Variants in BSN observed in about 807,000 individuals in gnomAD.
BSN encodes the protein bassoon presynaptic cytomatrix protein, also known as protein bassoon.
BSN carries 57 observed loss-of-function variants against 264.8 expected under a neutral mutation model. That is an observed-to-expected ratio of 0.22 (90% CI 0.17 to 0.27). The LOEUF (loss-of-function observed/expected upper bound fraction) is 0.27, where lower values mean the gene tolerates loss of function less well. BSN is among the 10% of genes least tolerant of loss of function. The probability of loss-of-function intolerance (pLI) is 1.00; values close to 1 mark genes in which losing one functional copy is unlikely to be tolerated. For missense variants in BSN, 4,615 were observed against 5,232.5 expected (o/e 0.88, Z 3.64); for synonymous variants, 2,059 against 2,137.3 (o/e 0.96, Z 1.01).
At chr3:49,620,100 T>C (rs188057173) in intron 1 of BSN, among the ~76,000 whole-genome samples, 18 of 151,482 alleles carry the variant, frequency 1.2e-4, no homozygotes, top group Non-Finnish European at 2.4e-4. Flanking sequence ...CAAGCACAGT[T>C]TTAAATAGAT....
intron 2 of BSN, among the ~76,000 whole-genome samples, chr3:49,631,876 A>G (rs540221951): frequency 6.6e-6 from 1 of 152,198 alleles, no homozygotes; most frequent in Non-Finnish European, 1.5e-5. Context: ...AGCCAAAATA[A>G]TTGTGAAAAA....
Position 49,625,093 on chromosome 3 carries a change from C to G in BSN, c.343C>G (p.Gln115Glu). Residue 115 changes from glutamine (Q) to glutamate (E), a missense_variant, in exon 2 of 12, where the codon CAG becomes GAG. Transcript: ENST00000296452. This position sits in a 1 kb window ranked among gnomAD's most constrained non-coding sequence, Gnocchi z 4.4. ...GHESPRETRA[Q>E]GPAGQEADGP... ...TGAGAGCCCCCGAGAGACAAGGGCA[C>G]AGGGACCAGCAGGCCAGGAGGCTGA... 2 of 1,605,960 alleles carry G rather than the reference C, an allele frequency of 1.2e-6. No homozygotes were observed. Among genetic ancestry groups the G allele is most frequent in the Non-Finnish European group, 1.7e-6 (2 of 1,176,444 alleles).
At chr3:49,614,991 T>A (rs1263866067) in intron 1 of BSN, among the ~76,000 whole-genome samples, 1 of 152,198 alleles carries the variant, frequency 6.6e-6, no homozygotes, top group Non-Finnish European at 1.5e-5. Context: ...TGCTGGCAGC[T>A]TCTTCTAGCC....
Position 49,663,095 on chromosome 3 carries a change from G to A in BSN, c.10937G>A (p.Arg3646Gln). The change falls in exon 7 of 12, where the codon CGG (arginine) becomes CAG (glutamine). Residue 3646 changes from arginine to glutamine, a missense_variant. Around this residue, in one of 3 missense-constraint regions of BSN, gnomAD observed 3,415 missense variants for 3,866.4 expected, o/e 0.88. Coordinates refer to ENST00000296452, the MANE Select transcript of BSN (RefSeq NM_003458.4). Reference protein sequence around the residue: ...PGRHASAKEHRHGDHGRHSGR... With the variant: ...PGRHASAKEHQHGDHGRHSGR... The stretch of plus-strand genomic sequence containing the variant: ...CGCCATGCCTCAGCCAAGGAACACC[G>A]GCACGGTGACCACGGGCGGCACTCA... 2 of 1,612,144 alleles carry A rather than the reference G, an allele frequency of 1.2e-6. No homozygotes were observed. Among genetic ancestry groups the A allele is most frequent in the East Asian group, 2.2e-5 (1 of 44,852 alleles).
At position 49,660,658 on chromosome 3, in the gene BSN, C is replaced by T. The variant is rs754394416; in HGVS notation, c.8813C>T (p.Ala2938Val). The T allele has an allele frequency of 5.0e-6, 8 of 1,613,220 alleles. No individual in the cohort carries two copies. The highest frequency in any genetic ancestry group is 6.8e-6 in the Non-Finnish European group (8 of 1,179,954). Residue 2938 changes from alanine (A) to valine (V), a missense_variant, in exon 6 of 12, where the codon GCC becomes GTC. Ala to Val is a moderately conservative substitution (Grantham distance 64). This residue lies in a region of BSN where 3,415 missense variants were observed against 3,866.4 expected (regional missense o/e 0.88). Transcript: ENST00000296452. This position sits in a 1 kb window ranked among gnomAD's most constrained non-coding sequence, Gnocchi z 7.1. ...CCCACCACTGTCCCTGCTACCAAGG[C>T]CAGCCTGCTCCGGGAGCTGGACCGG... ...TGPTTVPATKASLLRELDRDL... is the reference protein window; with the variant it reads ...TGPTTVPATKVSLLRELDRDL...
intron 6 of BSN, 22 bp from the exon 7 acceptor site, chr3:49,662,854 A>T: frequency 6.5e-7 from 1 of 1,536,812 alleles, no homozygotes. Flanking sequence ...GGTTGATGGT[A>T]TTCTGTTTTT....
At chr3:49,635,899 A>G (rs1285374503) in intron 2 of BSN, among the ~76,000 whole-genome samples, 1 of 151,310 alleles carries the variant, frequency 6.6e-6, no homozygotes, top group Admixed American at 6.6e-5. Context: ...GGATCACTTG[A>G]GTCTGGGAGG....
intron 1 of BSN, among the ~76,000 whole-genome samples, chr3:49,613,304 G>GAGAGAGAT (rs2052224353): frequency 4.0e-5 from 1 of 24,932 alleles, no homozygotes; most frequent in African/African-American, 1.3e-4. Flanking sequence ...CACACAGAGC[G>GAGAGAGAT]AGAGAGAGAG....
intron 1 of BSN, among the ~76,000 whole-genome samples, chr3:49,619,705 G>A (rs559638476): frequency 6.6e-6 from 1 of 152,328 alleles, no homozygotes; most frequent in Non-Finnish European, 1.5e-5. Context: ...GGCTGGGGGT[G>A]TAGCCAACTG....
rs373935874 is a variant in BSN, at chr3:49,660,929, C to T, written c.9084C>T (p.Pro3028=). ...TGCGGCTCCAGGGCTGCACCACTCC[C>T]GCTGGCCAGTTTGTGGACTTCCCTG... ...NQLRLQGCTT[P]AGQFVDFPAT... Residue 3028 remains proline (P), a synonymous_variant, in exon 6 of 12, where the codon CCC becomes CCT. Coordinates refer to ENST00000296452, the MANE Select transcript of BSN (RefSeq NM_003458.4). This position sits in a 1 kb window ranked among gnomAD's most constrained non-coding sequence, Gnocchi z 7.1. 2.2e-5 allele frequency: 36 copies of T among 1,612,078 alleles called. No individual in the cohort carries two copies. In the African/African-American group the frequency reaches 2.8e-4, roughly 13 times the overall value.
At chr3:49,646,222 A>G (rs2052503153) in intron 3 of BSN, among the ~76,000 whole-genome samples, 2 of 152,320 alleles carry the variant, frequency 1.3e-5, no homozygotes, top group South Asian at 2.1e-4. Flanking sequence ...GAGTCATTTC[A>G]TAATTAAGAG....
chr3:49,645,947 A>G (rs995077904), intron 3 of BSN, among the ~76,000 whole-genome samples: 1 of 152,174 alleles, frequency 6.6e-6, no homozygotes, highest in Non-Finnish European at 1.5e-5. Context: ...CAAAGAAGGG[A>G]CAGACCCGTG....
Position 49,657,693 on chromosome 3 carries a change from G to C in BSN, c.8137G>C (p.Gly2713Arg), listed in dbSNP as rs1559617663. The change falls in exon 5 of 12, where the codon GGG (glycine) becomes CGG (arginine). Residue 2713 changes from glycine (G) to arginine (R), a missense_variant. Gly to Arg is a moderately radical substitution (Grantham distance 125, BLOSUM62 -2). Transcript: ENST00000296452. ...YISAPEKTGRGESLACQTEPD... is the reference protein window; with the variant it reads ...YISAPEKTGRRESLACQTEPD... The stretch of plus-strand genomic sequence containing the variant: ...ATCGGCGCCAGAGAAGACTGGGCGT[G>C]GGGAGAGCCTGGCCTGCCAGACGGA... 1 of 1,559,066 alleles carries C rather than the reference G, an allele frequency of 6.4e-7. No homozygotes were observed. The highest frequency in any genetic ancestry group is 8.7e-7 in the Non-Finnish European group (1 of 1,149,176).
At chr3:49,630,553 A>C (rs115875114) in intron 2 of BSN, among the ~76,000 whole-genome samples, 21 of 152,292 alleles carry the variant, frequency 1.4e-4, no homozygotes, top group Admixed American at 3.3e-4. Flanking sequence ...ACTTGCTTGG[A>C]CCACTGCAGG....
At chr3:49,567,512 C>G (rs537602776) in intron 1 of BSN, among the ~76,000 whole-genome samples, 3 of 152,216 alleles carry the variant, frequency 2.0e-5, no homozygotes, top group Non-Finnish European at 4.4e-5. Flanking sequence ...ATCAGTGTGT[C>G]TCTCATCTTC....
intron 1 of BSN, among the ~76,000 whole-genome samples, chr3:49,579,095 C>T (rs1471013412): frequency 6.6e-6 from 1 of 151,978 alleles, no homozygotes; most frequent in Non-Finnish European, 1.5e-5. Flanking sequence ...TCAAGAGATC[C>T]TCCCACCTCA....
Position 49,642,727 on chromosome 3 carries a change from A to G in BSN, c.1093A>G (p.Met365Val). 1.2e-6 allele frequency: 2 copies of G among 1,613,484 alleles called. No homozygotes were observed. Among genetic ancestry groups the G allele is most frequent in the South Asian group, 2.2e-5 (2 of 91,074 alleles). The part of the protein sequence containing the change: ...ASLLTQASTL[M>V]SVQPEADTQG... ...ACTGCTAACCCAGGCGAGCACCCTC[A>G]TGTCTGTGCAGCCCGAGGCTGACAC... is the stretch of plus-strand genomic sequence containing the variant. Residue 365 changes from methionine (M) to valine (V), a missense_variant, in exon 3 of 12, where the codon ATG becomes GTG. Around this residue, in one of 3 missense-constraint regions of BSN, gnomAD observed 1,197 missense variants for 1,348.0 expected, o/e 0.89. Transcript: ENST00000296452. This position sits in a 1 kb window ranked among gnomAD's most constrained non-coding sequence, Gnocchi z 7.0.
chr3:49,554,546 G>A lies in BSN; in HGVS notation c.-57G>A. ...GGCGCCGAGAGTGTGAGCACCGCCCGGGAGCCGCCGGCCCGGGCGCAGCGC... is the reference window on the plus strand; with the variant it reads ...GGCGCCGAGAGTGTGAGCACCGCCCAGGAGCCGCCGGCCCGGGCGCAGCGC... On this transcript the variant is annotated 5_prime_UTR_variant, in exon 1 of 12. Coordinates refer to ENST00000296452, the MANE Select transcript of BSN (RefSeq NM_003458.4). 3 of 687,924 alleles carry A rather than the reference G, an allele frequency of 4.4e-6. No individual in the cohort carries two copies. Among genetic ancestry groups the A allele is most frequent in the African/African-American group, 2.0e-5 (1 of 50,916 alleles). 42.6% of individuals were successfully genotyped at this position (687,924 alleles called of 1,614,324 possible).
intron 1 of BSN, among the ~76,000 whole-genome samples, chr3:49,565,424 C>A (rs1477196912): frequency 6.6e-6 from 1 of 151,254 alleles, no homozygotes; most frequent in East Asian, 2.0e-4. Flanking sequence ...GGGTTCGCGC[C>A]ATTCTCCTGC....
Sources: allele counts gnomAD v4.1 joint callset (sites outside exome capture counted in the v4.1 genomes callset), GRCh38; gene constraint gnomAD v4.1.1; regional missense constraint gnomAD v4.1.1; non-coding constraint Gnocchi (gnomAD v3.1); transcripts MANE v1.5; gene names NCBI Gene and HGNC (gene_info 2026-07-23, HGNC 2026-07-21).